AGO3: variants seen among roughly 807,000 people sequenced by gnomAD.
AGO3 encodes protein argonaute-3.
In AGO3, 16 loss-of-function variants were observed where a neutral mutation model predicts 105.5. The ratio of observed to expected loss-of-function variants is 0.15; its 90% CI spans 0.10 to 0.23. The LOEUF (loss-of-function observed/expected upper bound fraction) is 0.23. Ranked by LOEUF, AGO3 falls within the 10% of genes least tolerant of loss-of-function variation. The pLI, the probability that AGO3 is intolerant of heterozygous loss-of-function variation, is 1.00. For synonymous variants in AGO3, 340 were observed against 367.3 expected, an observed-to-expected ratio of 0.93 and a Z score of 0.85; for missense variants, 534 against 1,088.0, an observed-to-expected ratio of 0.49 and a Z score of 7.16.
chr1:36,014,555 A>G (rs1455458244), intron 11 of AGO3, among the ~76,000 whole-genome samples: 1 of 150,406 alleles, frequency 6.6e-6, no homozygotes, highest in Non-Finnish European at 1.5e-5. Context: ...GTGGATCACA[A>G]GGTCAGGAGA....
chr1:35,976,165 T>C (rs1646954030), intron 5 of AGO3, among the ~76,000 whole-genome samples: 1 of 151,994 alleles, frequency 6.6e-6, no homozygotes, highest in Non-Finnish European at 1.5e-5. Context: ...GAACTCCTGA[T>C]TTCAGGTGGT....
rs1228374604 is a variant in AGO3, at chr1:36,058,722, A to G, written c.*2977A>G. The stretch of plus-strand genomic sequence containing the variant: ...ATTATTTTGAAGTGTCTGAAATGCA[A>G]TTTACAACACTGTTGCAAAGAACTT... On this transcript the variant is annotated 3_prime_UTR_variant, in exon 19 of 19. Transcript: ENST00000373191. The G allele has an allele frequency of 2.0e-5, 3 of 152,170 alleles. No homozygotes were observed. The highest frequency in any genetic ancestry group is 7.2e-5 in the African/African-American group (3 of 41,442). 9.4% of individuals were successfully genotyped at this position (152,170 alleles called of 1,614,324 possible).
At chr1:36,006,322 A>C (rs1640332076) in intron 6 of AGO3, among the ~76,000 whole-genome samples, 1 of 152,102 alleles carries the variant, frequency 6.6e-6, no homozygotes, top group African/African-American at 2.4e-5. Context: ...ACTTGTACCT[A>C]AATATTTAAT....
chr1:35,932,134 CTG>C (rs774039746), intron 1 of AGO3, among the ~76,000 whole-genome samples: 4 of 152,084 alleles, frequency 2.6e-5, no homozygotes, highest in Non-Finnish European at 4.4e-5. Flanking sequence ...TGCTTTATCT[CTG>C]GGGGCAAGAG....
At chr1:36,050,480 T>C (rs1642662415) in intron 17 of AGO3, among the ~76,000 whole-genome samples, 1 of 150,836 alleles carries the variant, frequency 6.6e-6, no homozygotes, top group African/African-American at 2.4e-5. Flanking sequence ...AGTGAGACTG[T>C]CTCAAAATAA....
rs978692432 is a variant in AGO3 at position 36,064,318 on chromosome 1, T to A, written c.*8573T>A. 1.3e-5 allele frequency: 2 copies of A among 152,388 alleles called. No homozygotes were observed. Among genetic ancestry groups the A allele is most frequent in the Non-Finnish European group, 2.9e-5 (2 of 68,196 alleles). The allele number at this position is 152,388 out of a possible 1,614,324, so 9.4% of individuals were successfully genotyped here. ...TCACTTGAACTCGGGAGGCGGAGGT[T>A]GCAGTGAGCCAAGATCGCGCCATTG... is the stretch of plus-strand genomic sequence containing the variant. On this transcript the variant is annotated 3_prime_UTR_variant, in exon 19 of 19. Transcript: ENST00000373191.
chr1:35,984,025 T>C (rs1185619326), intron 5 of AGO3, among the ~76,000 whole-genome samples: 1 of 152,092 alleles, frequency 6.6e-6, no homozygotes, highest in Non-Finnish European at 1.5e-5. Context: ...TTAGGAATAG[T>C]ATTTAGATTG....
intron 15 of AGO3, 105 bp from the exon 16 acceptor site, chr1:36,040,202 G>A: frequency 7.7e-7 from 1 of 1,302,818 alleles, no homozygotes; most frequent in Non-Finnish European, 1.1e-6. Context: ...ATTAGCTATA[G>A]AGTGGTGAAA....
intron 17 of AGO3, among the ~76,000 whole-genome samples, chr1:36,053,825 T>A (rs150575768): frequency 1.4e-5 from 2 of 143,368 alleles, no homozygotes; most frequent in African/African-American, 5.2e-5. Context: ...CTCGGCTCAC[T>A]GCAACCTCCA....
At chr1:35,969,935 G>A (rs1646836229) in intron 3 of AGO3, among the ~76,000 whole-genome samples, 1 of 152,162 alleles carries the variant, frequency 6.6e-6, no homozygotes. Context: ...TGGTACGCCT[G>A]TATAAGGCAG....
chr1:35,978,204 A>G (rs1022221153), intron 5 of AGO3, among the ~76,000 whole-genome samples: 8 of 151,628 alleles, frequency 5.3e-5, no homozygotes, highest in Admixed American at 5.3e-4. Context: ...TCTTGACACA[A>G]TTTTTTTTGA....
intron 1 of AGO3, among the ~76,000 whole-genome samples, chr1:35,941,446 A>G (rs1646253626): frequency 6.6e-6 from 1 of 152,088 alleles, no homozygotes; most frequent in Non-Finnish European, 1.5e-5. Context: ...TTCACTCAGA[A>G]CTCAGAGGGC....
intron 14 of AGO3, among the ~76,000 whole-genome samples, chr1:36,036,508 C>T (rs1282542879): frequency 6.6e-6 from 1 of 151,964 alleles, no homozygotes; most frequent in African/African-American, 2.4e-5. Flanking sequence ...GTCTACTTGA[C>T]CTCTCCATGA....
chr1:35,942,257 A>G lies in AGO3; in HGVS notation c.20-3435A>G, dbSNP rs563168162. Among the ~76,000 whole-genome samples the G allele has an allele frequency of 2.4e-4, 36 of 152,184 alleles. No individual in the cohort carries two copies. In the East Asian group the frequency reaches 6.8e-3, roughly 29 times the overall value. On this transcript the variant is annotated intron_variant, in intron 1 of 18. Coordinates refer to ENST00000373191, the MANE Select transcript of AGO3 (RefSeq NM_024852.4). ...GCCCAATTTTTTATTCCTGATACAAACTCATTCTTTTGATATATTGTTGGA... is the reference window on the plus strand; with the variant it reads ...GCCCAATTTTTTATTCCTGATACAAGCTCATTCTTTTGATATATTGTTGGA...
intron 5 of AGO3, among the ~76,000 whole-genome samples, chr1:35,992,915 G>T (rs1647819308): frequency 6.6e-6 from 1 of 152,110 alleles, no homozygotes; most frequent in South Asian, 2.1e-4. Context: ...CACTTAATTG[G>T]TAACAACTTA....
intron 16 of AGO3, among the ~76,000 whole-genome samples, chr1:36,043,075 G>T (rs1642316226): frequency 6.6e-6 from 1 of 152,098 alleles, no homozygotes; most frequent in Admixed American, 6.5e-5. Context: ...TTTCTCCAAG[G>T]TAAATGCTGA....
chr1:35,933,640 CAAAAAAAAAAA>C (rs34254758), intron 1 of AGO3, among the ~76,000 whole-genome samples: 53 of 31,434 alleles, frequency 1.7e-3, no homozygotes, highest in South Asian at 8.4e-3. Flanking sequence ...GACCCTGTCT[CAAAAAAAAAAA>C]AAAAAAAAAA....
intron 9 of AGO3, among the ~76,000 whole-genome samples, chr1:36,012,428 G>C (rs1640665064): frequency 6.6e-6 from 1 of 151,978 alleles, no homozygotes; most frequent in Admixed American, 6.6e-5. Context: ...GAATTTCAGT[G>C]AGATTCAACA....
intron 5 of AGO3, among the ~76,000 whole-genome samples, chr1:36,002,026 AT>A (rs953476951): frequency 1.3e-5 from 2 of 151,792 alleles, no homozygotes; most frequent in Admixed American, 6.6e-5. Context: ...GTTAAAAAAA[AT>A]TTTTTTTTGA....
Sources: gnomAD v4.1 joint callset for allele counts (sites outside exome capture counted in the v4.1 genomes callset) on GRCh38, gnomAD v4.1.1 for gene constraint, MANE v1.5 for transcripts, NCBI Gene and HGNC (gene_info 2026-07-23, HGNC 2026-07-21) for gene names.